ADGRB2: variants seen among roughly 807,000 people sequenced by gnomAD.
ADGRB2 encodes the protein adhesion G protein-coupled receptor B2.
In ADGRB2, 47 loss-of-function variants were observed where a neutral mutation model predicts 178.7. That is an observed-to-expected ratio of 0.26 (90% confidence interval 0.21 to 0.34). ADGRB2 has a LOEUF of 0.34. Among genes scored for constraint, ADGRB2 ranks in the 10% least tolerant of loss-of-function variants. The probability of loss-of-function intolerance (pLI) is 1.00; values close to 1 mark genes in which losing one functional copy is unlikely to be tolerated. For missense variants in ADGRB2, 1,584 were observed against 2,180.8 expected, an observed-to-expected ratio of 0.73 and a Z score of 5.45; for synonymous variants, 870 against 912.4, an observed-to-expected ratio of 0.95 and a Z score of 0.84.
rs779381703 is a variant in ADGRB2, at chr1:31,741,734, G to T, written c.1586-9C>A. ...GCACATCTCATGGAAGGCTGTGGGT[G>T]CAGGGGTAAGGTTCAGCTGGGTCCA... On this transcript the variant is annotated splice_polypyrimidine_tract_variant and intron_variant, in intron 9 of 32. Coordinates refer to ENST00000373658, the MANE Select transcript of ADGRB2 (RefSeq NM_001364857.2). This position sits in a 1 kb window ranked among gnomAD's most constrained non-coding sequence, Gnocchi z 6.5. 1.2e-6 allele frequency: 2 copies of T among 1,611,134 alleles called. No homozygotes were observed. Among genetic ancestry groups the T allele is most frequent in the African/African-American group, 2.7e-5 (2 of 74,868 alleles).
intron 4 of ADGRB2, among the ~76,000 whole-genome samples, chr1:31,746,749 G>A (rs954616459): frequency 6.6e-6 from 1 of 152,054 alleles, no homozygotes; most frequent in Admixed American, 6.5e-5. Flanking sequence ...CCCCACAAAG[G>A]CCAGCCCCGT....
In ADGRB2 at chr1:31,727,814, C is replaced by T; in HGVS notation, c.4573-209G>A. The stretch of plus-strand genomic sequence containing the variant: ...AGTGGCCCCCAGGACATGTCTCCTG[C>T]TGACCACTCTCCCTCCCAATCCTGG... On this transcript the variant is annotated intron_variant, in intron 32 of 32. Transcript: ENST00000373658. The surrounding 1 kb of genome is among the most constrained non-coding windows in gnomAD (Gnocchi z 4.4). 2 of 855,262 alleles carry T rather than the reference C, an allele frequency of 2.3e-6. No homozygotes were observed. Among genetic ancestry groups the T allele is most frequent in the Non-Finnish European group, 3.5e-6 (2 of 571,788 alleles). The allele number at this position is 855,262 out of a possible 1,614,324, so 53.0% of individuals were successfully genotyped here.
In ADGRB2 at chr1:31,757,529, G is replaced by A. The variant is rs1646899385; in HGVS notation, c.-190-18C>T. The A allele has an allele frequency of 2.5e-6, 1 of 392,462 alleles. No individual in the cohort carries two copies. The highest frequency in any genetic ancestry group is 3.8e-5 in the Admixed American group (1 of 26,172). 24.3% of individuals were successfully genotyped at this position (392,462 alleles called of 1,614,324 possible). On this transcript the variant is annotated intron_variant, in intron 1 of 32. Transcript: ENST00000373658. ...TGGATTTCCTGGTTGGAATAAGGGG[G>A]AGAGGCACCGAGTAAGGGGACATTG...
chr1:31,763,301 G>C (rs1020150813), intron 1 of ADGRB2, among the ~76,000 whole-genome samples: 1 of 151,846 alleles, frequency 6.6e-6, no homozygotes, highest in Non-Finnish European at 1.5e-5. Flanking sequence ...ATAGATATGG[G>C]GGAGGGGGCG....
intron 26 of ADGRB2, among the ~76,000 whole-genome samples, 173 bp downstream of exon 26, chr1:31,732,799 A>G (rs1282410269): frequency 1.3e-5 from 2 of 152,256 alleles, no homozygotes; most frequent in Non-Finnish European, 2.9e-5. Context: ...AAGGATAAGC[A>G]TAAGGGACAG....
At position 31,753,055 on chromosome 1, in the gene ADGRB2, C is replaced by CA. The variant is rs1646659007; in HGVS notation, c.838+2943dup. On this transcript the variant is annotated intron_variant, in intron 4 of 32. Transcript: ENST00000373658. This position sits in a 1 kb window ranked among gnomAD's most constrained non-coding sequence, Gnocchi z 4.1. ...TCTTTCTCCCAAGTATCACTGGGCA[C>CA]AGCCATTCCCACTGCCCAGTGCCTC... Among the ~76,000 whole-genome samples, 1 of 152,168 alleles carries CA rather than the reference C, an allele frequency of 6.6e-6. No individual in the cohort carries two copies. The highest frequency in any genetic ancestry group is 2.4e-5 in the African/African-American group (1 of 41,438).
At position 31,728,039 on chromosome 1, in the gene ADGRB2, G is replaced by A. The variant is rs760122373; in HGVS notation, c.4558C>T (p.Arg1520Trp). 17 of 1,579,142 alleles carry A rather than the reference G, an allele frequency of 1.1e-5. No individual in the cohort carries two copies. The highest frequency in any genetic ancestry group is 9.0e-5 in the Admixed American group (5 of 55,800). Residue 1520 changes from arginine to tryptophan, a missense_variant, in exon 32 of 33, where the codon CGG (arginine) becomes TGG (tryptophan). Arg to Trp is a moderately radical substitution (Grantham distance 101). Coordinates refer to ENST00000373658, the MANE Select transcript of ADGRB2 (RefSeq NM_001364857.2). This position sits in a 1 kb window ranked among gnomAD's most constrained non-coding sequence, Gnocchi z 6.7. ...WSVSSGGAAE[R>W]SVCTDKPSPG... is the part of the protein sequence containing the mutation. ...GGGGGACTCACGGTGCACACGCTCC[G>A]CTCGGCTGCCCCACCCGAGGACACA...
Position 31,728,201 on chromosome 1 carries a change from C to A in ADGRB2, c.4496G>T (p.Arg1499Leu). ...NQKFHTFDRY[R>L]SQSTAKREKR... is the part of the protein sequence containing the mutation. ...CCTCACCTTGGCCGTGGACTGGCTG[C>A]GGTAGCGGTCGAAAGTGTGGAACTT... is the stretch of plus-strand genomic sequence containing the variant. The change falls in exon 31 of 33, where the codon CGC becomes CTC. Residue 1499 changes from arginine to leucine, a missense_variant. Physicochemically the swap from Arg to Leu is moderately radical, Grantham distance 102. Around this residue, in one of 3 missense-constraint regions of ADGRB2, gnomAD observed 865 missense variants for 1,192.8 expected, o/e 0.73. Transcript: ENST00000373658. The surrounding 1 kb of genome is among the most constrained non-coding windows in gnomAD (Gnocchi z 6.7). 2 of 1,614,044 alleles carry A rather than the reference C, an allele frequency of 1.2e-6. No individual in the cohort carries two copies. Among genetic ancestry groups the A allele is most frequent in the Non-Finnish European group, 1.7e-6 (2 of 1,179,982 alleles).
chr1:31,740,653 G>A lies in ADGRB2; in HGVS notation c.1795-112C>T. On this transcript the variant is annotated intron_variant, in intron 11 of 32. Coordinates refer to ENST00000373658, the MANE Select transcript of ADGRB2 (RefSeq NM_001364857.2). The surrounding 1 kb of genome is among the most constrained non-coding windows in gnomAD (Gnocchi z 5.9). ...TTGCATCCACGGGGAGAGAAAGGGG[G>A]AAAAGGTCAGAGAGGCTCAAAGGGG... The A allele has an allele frequency of 8.3e-7, 1 of 1,203,662 alleles. No individual in the cohort carries two copies. The highest frequency in any genetic ancestry group is 1.6e-5 in the South Asian group (1 of 62,214). The allele number at this position is 1,203,662 out of a possible 1,614,324, so 74.6% of individuals were successfully genotyped here.
chr1:31,735,137 C>G lies in ADGRB2; in HGVS notation c.3452+46G>C. 58 of 481,656 alleles carry G rather than the reference C, an allele frequency of 1.2e-4. No individual in the cohort carries two copies. Among genetic ancestry groups the G allele is most frequent in the East Asian group, 2.7e-4 (5 of 18,814 alleles). 29.8% of individuals were successfully genotyped at this position (481,656 alleles called of 1,614,324 possible). A position where few individuals can be genotyped will look rare whatever the true frequency, so the allele number is the denominator to read the frequency against. ...ACCATGGGCACTGCCCCCCCCAATT[C>G]CTTTGCCCCACCCACCCCCACCGCC... On this transcript the variant is annotated intron_variant, in intron 25 of 32. Transcript: ENST00000373658. This position sits in a 1 kb window ranked among gnomAD's most constrained non-coding sequence, Gnocchi z 6.0.
chr1:31,732,013 C>T lies in ADGRB2; in HGVS notation c.3760+102G>A, dbSNP rs1456154716. 6 of 1,487,694 alleles carry T rather than the reference C, an allele frequency of 4.0e-6. No homozygotes were observed. The East Asian group carries it at 1.4e-4, about 34-fold the overall frequency. 92.2% of individuals were successfully genotyped at this position (1,487,694 alleles called of 1,614,324 possible). ...GGCTGTCTAACTTCGAAGCTGGACT[C>T]CAGCAGCCAGAACTCCATCAGGGCC... On this transcript the variant is annotated intron_variant, in intron 28 of 32. Transcript: ENST00000373658.
intron 20 of ADGRB2, 77 bp downstream of exon 20, chr1:31,737,352 A>G (rs1323229682): frequency 1.5e-6 from 2 of 1,376,352 alleles, no homozygotes; most frequent in African/African-American, 2.9e-5. Context: ...CGTACAAGCA[A>G]ACACACACAC....
In ADGRB2 at chr1:31,756,118, C is replaced by T; in HGVS notation, c.719G>A (p.Gly240Asp). The T allele has an allele frequency of 3.1e-6, 5 of 1,613,814 alleles. No homozygotes were observed. Among genetic ancestry groups the T allele is most frequent in the Non-Finnish European group, 2.5e-6 (3 of 1,179,944 alleles). The change falls in exon 4 of 33, where the codon GGC becomes GAC. Residue 240 changes from glycine (G) to aspartate (D), a missense_variant. By Grantham distance (94) the Gly-to-Asp change is moderately conservative. Transcript: ENST00000373658. The surrounding 1 kb of genome is among the most constrained non-coding windows in gnomAD (Gnocchi z 8.5). The part of the protein sequence containing the change: ...GAGSTTTTSP[G>D]PPAAHTLSNA... ...GGACAGGGTGTGGGCAGCAGGAGGGCCTGGAGATGTGGTGGTGGTGGAGCC... is the reference window on the plus strand; with the variant it reads ...GGACAGGGTGTGGGCAGCAGGAGGGTCTGGAGATGTGGTGGTGGTGGAGCC...
In ADGRB2 at chr1:31,744,525, C is replaced by T; in HGVS notation, c.922+123G>A. 2 of 1,445,810 alleles carry T rather than the reference C, an allele frequency of 1.4e-6. No individual in the cohort carries two copies. Among genetic ancestry groups the T allele is most frequent in the Non-Finnish European group, 1.9e-6 (2 of 1,057,490 alleles). 89.6% of individuals were successfully genotyped at this position (1,445,810 alleles called of 1,614,324 possible). A position where few individuals can be genotyped will look rare whatever the true frequency, so the allele number is the denominator to read the frequency against. On this transcript the variant is annotated intron_variant, in intron 5 of 32. Coordinates refer to ENST00000373658, the MANE Select transcript of ADGRB2 (RefSeq NM_001364857.2). The surrounding 1 kb of genome is among the most constrained non-coding windows in gnomAD (Gnocchi z 6.7). ...GCCACCCAGCCCTTCCCACAAGCTT[C>T]ATGTGGCACAGACGCGACTGAACTG...
At chr1:31,751,057 T>G (rs1389120364) in intron 4 of ADGRB2, among the ~76,000 whole-genome samples, 1 of 152,086 alleles carries the variant, frequency 6.6e-6, no homozygotes, top group African/African-American at 2.4e-5. Context: ...ATAAAGCCCT[T>G]GGCCAAGAGG....
In ADGRB2 at chr1:31,727,930, T is replaced by G; in HGVS notation, c.4572+95A>C. On this transcript the variant is annotated intron_variant, in intron 32 of 32. Transcript: ENST00000373658. The surrounding 1 kb of genome is among the most constrained non-coding windows in gnomAD (Gnocchi z 4.4). The stretch of plus-strand genomic sequence containing the variant: ...CCCATGCCGTGGGGGAGGCCCTTGG[T>G]GAGACAGGCTGGGGTTGCCTGGGAG... 7.0e-7 allele frequency: 1 copy of G among 1,435,258 alleles called. No homozygotes were observed. Among genetic ancestry groups the G allele is most frequent in the Non-Finnish European group, 9.3e-7 (1 of 1,077,876 alleles). The allele number at this position is 1,435,258 out of a possible 1,614,324, so 88.9% of individuals were successfully genotyped here.
At position 31,733,197 on chromosome 1, in the gene ADGRB2, C is replaced by A. The variant is rs1455995719; in HGVS notation, c.3453-54G>T. On this transcript the variant is annotated intron_variant, in intron 25 of 32. Transcript: ENST00000373658. The surrounding 1 kb of genome is among the most constrained non-coding windows in gnomAD (Gnocchi z 4.3). ...AGTGACACTCCGGGGGACAGGATGG[C>A]TTGAGCCTAGGCCTCCACTCAGCTG... 6.5e-7 allele frequency: 1 copy of A among 1,533,436 alleles called. No homozygotes were observed. The highest frequency in any genetic ancestry group is 2.0e-5 in the Admixed American group (1 of 50,630). 95.0% of individuals were successfully genotyped at this position (1,533,436 alleles called of 1,614,324 possible).
intron 4 of ADGRB2, among the ~76,000 whole-genome samples, chr1:31,750,516 T>G (rs1219247857): frequency 3.3e-5 from 5 of 152,094 alleles, no homozygotes; most frequent in Non-Finnish European, 7.4e-5. Context: ...CTCCACACAG[T>G]CCTGTGCCCT....
In ADGRB2 at chr1:31,732,582, C is replaced by T. The variant is rs565138835; in HGVS notation, c.3655G>A (p.Val1219Met). The change falls in exon 27 of 33, where the codon GTG (valine) becomes ATG (methionine). Residue 1219 changes from valine to methionine, a missense_variant. Physicochemically the swap from Val to Met is conservative, Grantham distance 21. Coordinates refer to ENST00000373658, the MANE Select transcript of ADGRB2 (RefSeq NM_001364857.2). ...VQDVVKCQMG[V>M]CRADESEDSP... ...TCTTCGCTCTCATCAGCCCGGCACACCCCCATCTGGCACTTCACCACATCC... is the reference window on the plus strand; with the variant it reads ...TCTTCGCTCTCATCAGCCCGGCACATCCCCATCTGGCACTTCACCACATCC... The T allele has an allele frequency of 6.2e-7, 1 of 1,614,160 alleles. No individual in the cohort carries two copies. The highest frequency in any genetic ancestry group is 2.2e-5 in the East Asian group (1 of 44,892).
Sources: gnomAD v4.1 joint callset for allele counts (sites outside exome capture counted in the v4.1 genomes callset) on GRCh38, gnomAD v4.1.1 for gene constraint, gnomAD v4.1.1 regional missense constraint, Gnocchi (gnomAD v3.1) non-coding constraint, MANE v1.5 for transcripts, NCBI Gene and HGNC (gene_info 2026-07-23, HGNC 2026-07-21) for gene names.